GALNTL6: variants seen among roughly 807,000 people sequenced by gnomAD.
GALNTL6 encodes the protein polypeptide N-acetylgalactosaminyltransferase-like 6.
GALNTL6 carries 46 observed loss-of-function variants against 73.7 expected under a neutral mutation model. The observed-to-expected ratio is 0.62, with a 90% CI of 0.49 to 0.80. GALNTL6 has a LOEUF of 0.80. GALNTL6 is among the 30% of genes least tolerant of loss of function. GALNTL6 has a pLI of 0.00. For missense variants in GALNTL6, 604 were observed against 755.0 expected (o/e 0.80, Z 2.34); for synonymous variants, 259 against 263.7 (o/e 0.98, Z 0.17).
At chr4:171,893,176 A>G (rs1736811186) in intron 2 of GALNTL6, among the ~76,000 whole-genome samples, 1 of 152,242 alleles carries the variant, frequency 6.6e-6, no homozygotes, top group African/African-American at 2.4e-5. Context: ...AATGTGTTTG[A>G]CTTCAAAGAC....
chr4:171,840,693 T>C (rs920101344), intron 2 of GALNTL6, among the ~76,000 whole-genome samples: 1 of 152,228 alleles, frequency 6.6e-6, no homozygotes, highest in Non-Finnish European at 1.5e-5. Context: ...TCTCTCATAG[T>C]GCACAAATGC....
At chr4:172,378,744 C>G (rs568244609) in intron 5 of GALNTL6, among the ~76,000 whole-genome samples, 1 of 151,812 alleles carries the variant, frequency 6.6e-6, no homozygotes, top group African/African-American at 2.4e-5. Flanking sequence ...GTGTATATAC[C>G]TTGATTTATA....
intron 5 of GALNTL6, among the ~76,000 whole-genome samples, chr4:172,688,963 A>AATGACATCATAATG (rs1553972174): frequency 1.3e-5 from 2 of 152,136 alleles, no homozygotes; most frequent in Non-Finnish European, 2.9e-5. Flanking sequence ...CTCCCTACTC[A>AATGACATCATAATG]GTAACCCAAA....
At chr4:171,928,006 TCC>T (rs1158887211) in intron 2 of GALNTL6, among the ~76,000 whole-genome samples, 5 of 152,186 alleles carry the variant, frequency 3.3e-5, no homozygotes, top group African/African-American at 1.2e-4. Context: ...ATGATTGTAT[TCC>T]CAGTATTAAA....
intron 5 of GALNTL6, among the ~76,000 whole-genome samples, chr4:172,499,432 G>C (rs1021390359): frequency 2.6e-5 from 4 of 152,216 alleles, no homozygotes; most frequent in Admixed American, 2.6e-4. Context: ...CCAGCCTCCA[G>C]AGCTGTCGGA....
intron 7 of GALNTL6, among the ~76,000 whole-genome samples, chr4:172,835,248 C>A (rs1742846855): frequency 6.6e-6 from 1 of 152,166 alleles, no homozygotes; most frequent in Non-Finnish European, 1.5e-5. Flanking sequence ...AGCATGTTCA[C>A]AAAACAAAAA....
At chr4:172,850,008 TC>T (rs1448552653) in intron 7 of GALNTL6, among the ~76,000 whole-genome samples, 1 of 152,152 alleles carries the variant, frequency 6.6e-6, no homozygotes, top group Non-Finnish European at 1.5e-5. Context: ...CGTGAGAGCA[TC>T]TTTTGGAAGG....
intron 5 of GALNTL6, among the ~76,000 whole-genome samples, chr4:172,788,414 T>G (rs947859710): frequency 1.3e-5 from 2 of 152,074 alleles, no homozygotes; most frequent in Non-Finnish European, 2.9e-5. Context: ...GGCTCACACC[T>G]GTAATCACAG....
chr4:171,901,511 A>C (rs1454644976), intron 2 of GALNTL6, among the ~76,000 whole-genome samples: 1 of 151,628 alleles, frequency 6.6e-6, no homozygotes, highest in Non-Finnish European at 1.5e-5. Context: ...CTCCTCCCCC[A>C]CTCCCCTTCC....
chr4:171,986,542 G>A (rs1176472029), intron 2 of GALNTL6, among the ~76,000 whole-genome samples: 1 of 152,116 alleles, frequency 6.6e-6, no homozygotes, highest in Non-Finnish European at 1.5e-5. Flanking sequence ...ATTTTAGGGG[G>A]TGGTATGGAG....
In GALNTL6 at chr4:172,284,600, T is replaced by C. The variant is rs78927119; in HGVS notation, c.248-27014T>C. Among the ~76,000 whole-genome samples, 102 of 152,328 alleles carry C rather than the reference T, an allele frequency of 6.7e-4. 2 individuals are homozygous for C. The East Asian group carries it at 0.017, about 26-fold the overall frequency. On this transcript the variant is annotated intron_variant, in intron 3 of 12. Coordinates refer to ENST00000506823, the MANE Select transcript of GALNTL6 (RefSeq NM_001034845.3). ...CATTAAATTTCTCTAGGGTTTCTTC[T>C]AGTATTTTTGTATTTTTAGGTCTTA...
At chr4:172,309,305 A>ATTTTCT (rs1165829618) in intron 3 of GALNTL6, among the ~76,000 whole-genome samples, 2 of 152,132 alleles carry the variant, frequency 1.3e-5, no homozygotes, top group Non-Finnish European at 2.9e-5. Flanking sequence ...ACTGATATGG[A>ATTTTCT]AACCAAATTT....
intron 5 of GALNTL6, among the ~76,000 whole-genome samples, chr4:172,718,200 TATG>T (rs1291746981): frequency 6.6e-6 from 1 of 152,236 alleles, no homozygotes; most frequent in Non-Finnish European, 1.5e-5. Flanking sequence ...ACTTCATCGT[TATG>T]ATGATTCATG....
At chr4:172,782,213 AAC>A (rs1339417682) in intron 5 of GALNTL6, among the ~76,000 whole-genome samples, 2 of 152,154 alleles carry the variant, frequency 1.3e-5, no homozygotes, top group Admixed American at 1.3e-4. Flanking sequence ...ACATGGGGCA[AAC>A]ACACATATGC....
intron 5 of GALNTL6, among the ~76,000 whole-genome samples, chr4:172,492,210 C>G (rs1733922101): frequency 6.6e-6 from 1 of 152,022 alleles, no homozygotes; most frequent in Admixed American, 6.6e-5. Context: ...AATATAAAAT[C>G]CATTAGTGTG....
intron 2 of GALNTL6, among the ~76,000 whole-genome samples, chr4:172,206,818 GT>G (rs1254869443): frequency 4.8e-5 from 3 of 62,882 alleles, no homozygotes; most frequent in African/African-American, 1.3e-4. Flanking sequence ...TTTTTTGTTT[GT>G]TTTTTTTTTT....
At chr4:172,235,565 T>C (rs537325568) in intron 3 of GALNTL6, among the ~76,000 whole-genome samples, 1 of 152,324 alleles carries the variant, frequency 6.6e-6, no homozygotes. Flanking sequence ...TGTTCATCTA[T>C]TTTATTTTTC....
intron 8 of GALNTL6, among the ~76,000 whole-genome samples, chr4:172,922,920 A>G (rs1168211889): frequency 6.6e-6 from 1 of 152,208 alleles, no homozygotes; most frequent in Non-Finnish European, 1.5e-5. Context: ...GCAGATAGCT[A>G]GGCATGAGCA....
rs543332920 is a variant in GALNTL6, at chr4:172,238,961, A to G, written c.247+9197A>G. On this transcript the variant is annotated intron_variant, in intron 3 of 12. Coordinates refer to ENST00000506823, the MANE Select transcript of GALNTL6 (RefSeq NM_001034845.3). ...GCCCAAGGATAAAGCTTACTTGATC[A>G]TGATGGATTAGCATTTTGATGTGCT... 1.2e-4 allele frequency among the ~76,000 whole-genome samples: 18 copies of G among 152,320 alleles called. No individual in the cohort carries two copies. The South Asian group carries it at 3.5e-3, about 30-fold the overall frequency.
Sources: allele counts gnomAD v4.1 joint callset (sites outside exome capture counted in the v4.1 genomes callset), GRCh38; gene constraint gnomAD v4.1.1; transcripts MANE v1.5; gene names NCBI Gene and HGNC (gene_info 2026-07-23, HGNC 2026-07-21).